CRKL: variants seen among roughly 807,000 people sequenced by gnomAD.
CRKL encodes CRK like proto-oncogene, adaptor protein, also known as crk-like protein.
A neutral mutation model predicts 23.0 loss-of-function variants in CRKL; 3 were observed. The observed-to-expected ratio is 0.13, with a 90% CI of 0.06 to 0.34. The LOEUF is 0.34. CRKL is among the 10% of genes least tolerant of loss of function. The pLI is 1.00. For missense variants in CRKL, 256 were observed against 394.5 expected, an observed-to-expected ratio of 0.65 and a Z score of 2.97; for synonymous variants, 188 against 160.7, an observed-to-expected ratio of 1.17 and a Z score of -1.28.
At chr22:20,934,721 T>G (rs1921585246) in intron 2 of CRKL, among the ~76,000 whole-genome samples, 1 of 152,046 alleles carries the variant, frequency 6.6e-6, no homozygotes, top group Non-Finnish European at 1.5e-5. Context: ...AATCAACATA[T>G]ATGGTTCTGT....
chr22:20,951,249 C>T lies in CRKL; in HGVS notation c.*1404C>T, dbSNP rs191277182. On this transcript the variant is annotated 3_prime_UTR_variant, in exon 3 of 3. Transcript: ENST00000354336. ...CCAGAGAAAGTTGGTGCTGCTCATA[C>T]TGGTCTCACAGTCTAAGTAAGTGTC... 2.6e-5 allele frequency: 6 copies of T among 232,494 alleles called. No homozygotes were observed. Among genetic ancestry groups the T allele is most frequent in the Non-Finnish European group, 5.1e-5 (6 of 117,644 alleles). 14.4% of individuals were successfully genotyped at this position (232,494 alleles called of 1,614,324 possible).
At chr22:20,927,572 G>A (rs1464192463) in intron 1 of CRKL, among the ~76,000 whole-genome samples, 1 of 147,012 alleles carries the variant, frequency 6.8e-6, no homozygotes, top group Non-Finnish European at 1.5e-5. Context: ...TAAGGGTGCC[G>A]TGGCTCACGC....
In CRKL at chr22:20,951,085, A is replaced by T. The variant is rs1922256979; in HGVS notation, c.*1240A>T. ...AGTTTTCTGTTCAGCTTTTCAGTGA[A>T]TGTACCCCTTTAAGGTTCAGACTTA... On this transcript the variant is annotated 3_prime_UTR_variant, in exon 3 of 3. Coordinates refer to ENST00000354336, the MANE Select transcript of CRKL (RefSeq NM_005207.4). 1 of 232,606 alleles carries T rather than the reference A, an allele frequency of 4.3e-6. No homozygotes were observed. The highest frequency in any genetic ancestry group is 6.1e-5 in the East Asian group (1 of 16,468). The allele number at this position is 232,606 out of a possible 1,614,324, so 14.4% of individuals were successfully genotyped here.
chr22:20,930,056 A>G (rs1382530327), intron 1 of CRKL, among the ~76,000 whole-genome samples: 2 of 152,152 alleles, frequency 1.3e-5, no homozygotes, highest in Non-Finnish European at 2.9e-5. Context: ...TTGGTGTCAA[A>G]TTTATGAATA....
At chr22:20,931,802 TTTTTA>T (rs951641485) in intron 1 of CRKL, among the ~76,000 whole-genome samples, 10 of 152,076 alleles carry the variant, frequency 6.6e-5, no homozygotes, top group African/African-American at 1.9e-4. Context: ...TTTATTTTTA[TTTTTA>T]TTTTATTTTA....
chr22:20,951,336 T>A lies in CRKL; in HGVS notation c.*1491T>A, dbSNP rs577165732. ...AAATTCGTTAATGTATTTGATGTCT[T>A]AGTGTTTTAGTGACTAGGGAGACCA... On this transcript the variant is annotated 3_prime_UTR_variant, in exon 3 of 3. Coordinates refer to ENST00000354336, the MANE Select transcript of CRKL (RefSeq NM_005207.4). The A allele has an allele frequency of 4.3e-6, 1 of 231,796 alleles. No homozygotes were observed. Among genetic ancestry groups the A allele is most frequent in the South Asian group, 1.8e-4 (1 of 5,518 alleles). 14.4% of individuals were successfully genotyped at this position (231,796 alleles called of 1,614,324 possible). A position where few individuals can be genotyped will look rare whatever the true frequency, so the allele number is the denominator to read the frequency against.
rs969124244 is a variant in CRKL, at chr22:20,953,628, T to A, written c.*3783T>A. ...CATCGAGTGTCTTTTCTTAACAGAT[T>A]AGTGCCTTTTTATTTTTGTATTCCG... is the stretch of plus-strand genomic sequence containing the variant. On this transcript the variant is annotated 3_prime_UTR_variant, in exon 3 of 3. Coordinates refer to ENST00000354336, the MANE Select transcript of CRKL (RefSeq NM_005207.4). 1 of 209,286 alleles carries A rather than the reference T, an allele frequency of 4.8e-6. No individual in the cohort carries two copies. Among genetic ancestry groups the A allele is most frequent in the Admixed American group, 5.9e-5 (1 of 16,880 alleles). 13.0% of individuals were successfully genotyped at this position (209,286 alleles called of 1,614,324 possible). A position where few individuals can be genotyped will look rare whatever the true frequency, so the allele number is the denominator to read the frequency against.
intron 2 of CRKL, among the ~76,000 whole-genome samples, chr22:20,936,579 G>A (rs1484851864): frequency 6.6e-6 from 1 of 152,114 alleles, no homozygotes; most frequent in Non-Finnish European, 1.5e-5. Flanking sequence ...TCGAACTGCT[G>A]ACTTCAGGTG....
At chr22:20,925,845 G>A (rs890574238) in intron 1 of CRKL, among the ~76,000 whole-genome samples, 24 of 152,308 alleles carry the variant, frequency 1.6e-4, no homozygotes, top group Non-Finnish European at 3.5e-4. Flanking sequence ...GAGGGAAATA[G>A]GAAAGGGAAG....
rs1365512594 is a variant in CRKL at position 20,953,437 on chromosome 22, A to G, written c.*3592A>G. On this transcript the variant is annotated 3_prime_UTR_variant, in exon 3 of 3. Transcript: ENST00000354336. ...CTGTGTGTTTTAAAACAACAACAAC[A>G]ACAACAACAACAACATAAAACTCTT... The G allele has an allele frequency of 8.6e-6, 2 of 231,840 alleles. No individual in the cohort carries two copies. Among genetic ancestry groups the G allele is most frequent in the African/African-American group, 4.4e-5 (2 of 45,164 alleles). The allele number at this position is 231,840 out of a possible 1,614,324, so 14.4% of individuals were successfully genotyped here.
In CRKL at chr22:20,917,902, C is replaced by G. The variant is rs776002311; in HGVS notation, c.-33C>G. On this transcript the variant is annotated 5_prime_UTR_variant, in exon 1 of 3. Transcript: ENST00000354336. ...GCAGAGCAGGCGAGGACAGCCGCCG[C>G]CCCTACCGCCGCAGAGTCCCCGGTC... 4.4e-5 allele frequency: 71 copies of G among 1,597,696 alleles called. No individual in the cohort carries two copies. The Middle Eastern group carries it at 5.3e-4, about 12-fold the overall frequency.
chr22:20,936,907 T>A (rs2147908375), intron 2 of CRKL, among the ~76,000 whole-genome samples: 1 of 151,724 alleles, frequency 6.6e-6, no homozygotes, highest in South Asian at 2.1e-4. Flanking sequence ...TTGCCCAAGC[T>A]GGAGTGCAGT....
At chr22:20,941,363 G>A (rs1311589541) in intron 2 of CRKL, among the ~76,000 whole-genome samples, 1 of 151,646 alleles carries the variant, frequency 6.6e-6, no homozygotes, top group Non-Finnish European at 1.5e-5. Flanking sequence ...TTGACATTGT[G>A]TCAGTTGTCC....
chr22:20,952,274 A>G lies in CRKL; in HGVS notation c.*2429A>G, dbSNP rs777691656. The G allele has an allele frequency of 2.6e-5, 6 of 230,180 alleles. No homozygotes were observed. The highest frequency in any genetic ancestry group is 4.3e-5 in the Non-Finnish European group (5 of 116,194). The allele number at this position is 230,180 out of a possible 1,614,324, so 14.3% of individuals were successfully genotyped here. On this transcript the variant is annotated 3_prime_UTR_variant, in exon 3 of 3. Coordinates refer to ENST00000354336, the MANE Select transcript of CRKL (RefSeq NM_005207.4). ...GCAAGGTTTCCTTTCAGCCCTGTCTACTGACCAATACCCCGACTCACCTTG... is the reference window on the plus strand; with the variant it reads ...GCAAGGTTTCCTTTCAGCCCTGTCTGCTGACCAATACCCCGACTCACCTTG...
rs570361391 is a variant in CRKL at position 20,950,701 on chromosome 22, G to A, written c.*856G>A. 1.5e-3 allele frequency: 331 copies of A among 219,792 alleles called. 1 individual carries two copies. The highest frequency in any genetic ancestry group is 2.0e-3 in the Non-Finnish European group (217 of 109,840). The allele number at this position is 219,792 out of a possible 1,614,324, so 13.6% of individuals were successfully genotyped here. A position where few individuals can be genotyped will look rare whatever the true frequency, so the allele number is the denominator to read the frequency against. On this transcript the variant is annotated 3_prime_UTR_variant, in exon 3 of 3. Coordinates refer to ENST00000354336, the MANE Select transcript of CRKL (RefSeq NM_005207.4). ...CGTGCTGGGATTACAGCCGTGAGCC[G>A]CCGCGCCTGGCCTAGACTTGTGTGT...
intron 2 of CRKL, among the ~76,000 whole-genome samples, chr22:20,936,713 A>G (rs924238089): frequency 6.6e-6 from 1 of 151,936 alleles, no homozygotes; most frequent in South Asian, 2.1e-4. Flanking sequence ...GTTTGTTTCA[A>G]TGTTTGATTT....
intron 1 of CRKL, among the ~76,000 whole-genome samples, chr22:20,927,260 G>A (rs1431146916): frequency 8.0e-6 from 1 of 125,160 alleles, no homozygotes; most frequent in Non-Finnish European, 1.6e-5. Flanking sequence ...GCATGATCTC[G>A]GTTCACTGCA....
At chr22:20,938,034 A>G (rs1351460569) in intron 2 of CRKL, among the ~76,000 whole-genome samples, 1 of 152,142 alleles carries the variant, frequency 6.6e-6, no homozygotes, top group Non-Finnish European at 1.5e-5. Flanking sequence ...GTTATCTTCT[A>G]AAACTATTAT....
intron 1 of CRKL, among the ~76,000 whole-genome samples, chr22:20,927,117 A>AC (rs1921235424): frequency 9.2e-6 from 1 of 109,204 alleles, no homozygotes; most frequent in African/African-American, 3.4e-5. Flanking sequence ...GTCTCAAAAA[A>AC]AAAAAAAAAA....
Sources: gnomAD v4.1 joint callset for allele counts (sites outside exome capture counted in the v4.1 genomes callset) on GRCh38, gnomAD v4.1.1 for gene constraint, MANE v1.5 for transcripts, NCBI Gene and HGNC (gene_info 2026-07-23, HGNC 2026-07-21) for gene names.